Variants in COL5A2 observed in about 807,000 individuals in gnomAD.
COL5A2 encodes collagen type V alpha 2 chain, also known as collagen alpha-2(V) chain.
In COL5A2, 23 loss-of-function variants were observed where a neutral mutation model predicts 208.2. The ratio of observed to expected loss-of-function variants is 0.11; its 90% CI spans 0.08 to 0.16. COL5A2 has a LOEUF of 0.16. Ranked by LOEUF, COL5A2 falls within the 10% of genes least tolerant of loss-of-function variation. The pLI is 1.00. For missense variants in COL5A2, 1,590 were observed against 1,956.4 expected, an observed-to-expected ratio of 0.81 and a Z score of 3.53; for synonymous variants, 625 against 628.5, an observed-to-expected ratio of 0.99 and a Z score of 0.08.
intron 13 of COL5A2, 111 bp downstream of exon 13, chr2:189,080,879 A>G (rs1304109643): frequency 1.0e-5 from 9 of 870,656 alleles, no homozygotes; most frequent in Non-Finnish European, 1.8e-5. Flanking sequence ...GCAACCATAG[A>G]CAGTTAAGGA....
chr2:189,367,617 C>T, the COL5A2 span, among the ~76,000 whole-genome samples: 1 of 152,128 alleles, frequency 6.6e-6, no homozygotes, highest in Non-Finnish European at 1.5e-5. Context: ...CAGCTTCTTC[C>T]CCAGAGCTTA....
intron 1 of COL5A2, among the ~76,000 whole-genome samples, chr2:189,121,250 T>C (rs1328600151): frequency 1.3e-5 from 2 of 152,010 alleles, no homozygotes; most frequent in African/African-American, 2.4e-5. Flanking sequence ...AAAATTAAAA[T>C]CCAAAGCAGT....
At chr2:189,085,440 C>T (rs549850304) in intron 10 of COL5A2, among the ~76,000 whole-genome samples, 27 of 152,228 alleles carry the variant, frequency 1.8e-4, no homozygotes, top group Non-Finnish European at 3.5e-4. Context: ...AAAAGCAAAT[C>T]GCTCAGCACT....
At chr2:189,207,644 A>G (rs1298343794) in intron 1 of COL5A2, among the ~76,000 whole-genome samples, 1 of 152,152 alleles carries the variant, frequency 6.6e-6, no homozygotes, top group Non-Finnish European at 1.5e-5. Context: ...CTTCTAGCCA[A>G]ATTTCTCAAA....
At chr2:189,296,674 G>A in the COL5A2 span, among the ~76,000 whole-genome samples, 1 of 152,180 alleles carries the variant, frequency 6.6e-6, no homozygotes, top group African/African-American at 2.4e-5. Context: ...ATTTTTTAAA[G>A]TATAGTCCTT....
the COL5A2 span, among the ~76,000 whole-genome samples, chr2:189,240,462 A>G: frequency 1.3e-5 from 2 of 152,320 alleles, no homozygotes; most frequent in African/African-American, 4.8e-5. Context: ...TTCAAATACT[A>G]TCACACTGGG....
intron 35 of COL5A2, among the ~76,000 whole-genome samples, chr2:189,055,037 C>A (rs558050810): frequency 1.3e-5 from 2 of 152,064 alleles, no homozygotes; most frequent in Non-Finnish European, 2.9e-5. Flanking sequence ...GCGTCTGTCA[C>A]CACCACACCC....
At chr2:189,123,633 A>G (rs1309162551) in intron 1 of COL5A2, among the ~76,000 whole-genome samples, 2 of 152,246 alleles carry the variant, frequency 1.3e-5, no homozygotes, top group East Asian at 3.8e-4. Context: ...ATCGAATGAA[A>G]TAAAAGTTTT....
the COL5A2 span, among the ~76,000 whole-genome samples, chr2:189,241,433 T>C: frequency 6.6e-6 from 1 of 152,338 alleles, no homozygotes; most frequent in South Asian, 2.1e-4. Context: ...CTATTTGATT[T>C]ACTTTCTCTA....
intron 1 of COL5A2, among the ~76,000 whole-genome samples, chr2:189,212,734 A>T (rs1040978706): frequency 9.2e-5 from 14 of 151,898 alleles, no homozygotes; most frequent in African/African-American, 3.4e-4. Flanking sequence ...TGAATGGTAG[A>T]TGGGCAATAG....
chr2:189,425,203 A>C, the COL5A2 span, among the ~76,000 whole-genome samples: 1 of 152,206 alleles, frequency 6.6e-6, no homozygotes, highest in East Asian at 1.9e-4. Context: ...AAGATAACAA[A>C]AGTTGGCAAA....
intron 3 of COL5A2, among the ~76,000 whole-genome samples, chr2:189,102,200 C>A (rs951993585): frequency 6.6e-6 from 1 of 151,840 alleles, no homozygotes; most frequent in African/African-American, 2.4e-5. Context: ...AATGGAACAG[C>A]CTGCTAAGAA....
chr2:189,421,874 C>T, the COL5A2 span, among the ~76,000 whole-genome samples: 1 of 152,194 alleles, frequency 6.6e-6, no homozygotes, highest in Non-Finnish European at 1.5e-5. Flanking sequence ...CCCAGCTCCA[C>T]ACCAGCTTCA....
At chr2:189,289,964 A>G in the COL5A2 span, among the ~76,000 whole-genome samples, 1 of 152,226 alleles carries the variant, frequency 6.6e-6, no homozygotes, top group Admixed American at 6.5e-5. Flanking sequence ...CATTTTTCAA[A>G]GACATTTCTA....
At position 189,082,723 on chromosome 2, in the gene COL5A2, C is replaced by T. The variant is rs116013609; in HGVS notation, c.852+1261G>A. On this transcript the variant is annotated intron_variant, in intron 12 of 53. Transcript: ENST00000374866. ...CAGTGCAATCACACATTGCACTGAGCTTGCACAGTGCATCTGTGGTGTGCT... is the reference window on the plus strand; with the variant it reads ...CAGTGCAATCACACATTGCACTGAGTTTGCACAGTGCATCTGTGGTGTGCT... Among the ~76,000 whole-genome samples, 1,087 of 152,302 alleles carry T rather than the reference C, an allele frequency of 7.1e-3. 12 individuals carry two copies. The highest frequency in any genetic ancestry group is 0.025 in the African/African-American group (1,019 of 41,542).
At chr2:189,257,085 T>C in the COL5A2 span, among the ~76,000 whole-genome samples, 1 of 152,222 alleles carries the variant, frequency 6.6e-6, no homozygotes, top group Non-Finnish European at 1.5e-5. Context: ...TCCACTTATC[T>C]GTGATCTAAG....
At chr2:189,388,189 T>C in the COL5A2 span, among the ~76,000 whole-genome samples, 2 of 152,146 alleles carry the variant, frequency 1.3e-5, no homozygotes, top group African/African-American at 2.4e-5. Flanking sequence ...ATGGCTCTCC[T>C]GGAGGACGAT....
chr2:189,196,836 T>C (rs1022512872), intron 1 of COL5A2, among the ~76,000 whole-genome samples: 24 of 152,126 alleles, frequency 1.6e-4, no homozygotes, highest in African/African-American at 5.1e-4. Context: ...GGAACACTTT[T>C]ACACTCTTGG....
At chr2:189,264,417 TA>T in the COL5A2 span, among the ~76,000 whole-genome samples, 1 of 152,134 alleles carries the variant, frequency 6.6e-6, no homozygotes, top group Non-Finnish European at 1.5e-5. Flanking sequence ...AGATAAATCT[TA>T]AAAACGTGTT....
Sources: allele counts gnomAD v4.1 joint callset (sites outside exome capture counted in the v4.1 genomes callset), GRCh38; gene constraint gnomAD v4.1.1; transcripts MANE v1.5; gene names NCBI Gene and HGNC (gene_info 2026-07-23, HGNC 2026-07-21).